Variants in SMS observed in about 807,000 individuals in gnomAD.
SMS encodes the protein spermidine aminopropyltransferase.
Under a neutral mutation model 33.0 loss-of-function variants are expected in SMS, and 3 were observed. The ratio of observed to expected loss-of-function variants is 0.09; its 90% CI spans 0.04 to 0.23. SMS has a LOEUF of 0.23. Ranked by LOEUF, SMS falls within the 10% of genes least tolerant of loss-of-function variation. SMS has a pLI of 1.00. For missense variants in SMS, 117 were observed against 288.6 expected, an observed-to-expected ratio of 0.41 and a Z score of 4.31; for synonymous variants, 103 against 112.2, an observed-to-expected ratio of 0.92 and a Z score of 0.52.
chrX:21,948,939 G>A (rs1922423514), intron 1 of SMS, among the ~76,000 whole-genome samples: 1 of 111,994 alleles, frequency 8.9e-6, no homozygotes, highest in African/African-American at 3.3e-5. Context: ...TGCGAACCAC[G>A]TATGTAAACC....
At position 21,970,753 on chromosome X, in the gene SMS, T is replaced by G. The variant is rs745774827; in HGVS notation, c.171-1144T>G. The stretch of plus-strand genomic sequence containing the variant: ...TTAGCTTATTATTTTTAGTTTTTTT[T>G]TTTTTTTTTTTAATCCAAGCACACT... On this transcript the variant is annotated intron_variant, in intron 2 of 10. Transcript: ENST00000404933. Among the ~76,000 whole-genome samples the G allele has an allele frequency of 3.1e-4, 33 of 106,814 alleles. No homozygotes were observed. In the South Asian group the frequency reaches 0.013, roughly 43 times the overall value. The allele number at this position is 106,814 out of a possible 115,157, so 92.8% of individuals were successfully genotyped here.
chrX:21,955,731 C>G (rs73195173), intron 1 of SMS, among the ~76,000 whole-genome samples: 217 of 111,576 alleles, frequency 1.9e-3, no homozygotes, highest in Non-Finnish European at 3.7e-3. Context: ...CTTAAGCTGA[C>G]GGGGCCCACT....
chrX:21,980,415 C>CA (rs1178108858), intron 7 of SMS, among the ~76,000 whole-genome samples: 3,020 of 44,474 alleles, frequency 0.068, 297 homozygotes, highest in African/African-American at 0.21. Context: ...AGACTGTCTC[C>CA]AAAAAAAAAA....
chrX:21,979,652 C>T (rs765077739), intron 7 of SMS, among the ~76,000 whole-genome samples: 17 of 111,026 alleles, frequency 1.5e-4, no homozygotes, highest in South Asian at 7.6e-4. Flanking sequence ...TGAATAGTGC[C>T]GCAATAAATA....
chrX:21,945,772 G>A (rs1409057397), intron 1 of SMS, among the ~76,000 whole-genome samples: 1 of 108,772 alleles, frequency 9.2e-6, no homozygotes, highest in Non-Finnish European at 1.9e-5. Flanking sequence ...TTACAGGCAC[G>A]CGGCACCACA....
intron 2 of SMS, among the ~76,000 whole-genome samples, chrX:21,968,839 G>A (rs1923919651): frequency 9.0e-6 from 1 of 111,675 alleles, no homozygotes; most frequent in South Asian, 3.7e-4. Context: ...CAGGTGATGA[G>A]TGCACCAAAA....
chrX:21,985,924 G>A (rs1925294296), intron 9 of SMS, among the ~76,000 whole-genome samples: 1 of 111,363 alleles, frequency 9.0e-6, no homozygotes, highest in African/African-American at 3.3e-5. Flanking sequence ...TGGAGGCTGA[G>A]GTGGGAGGAT....
chrX:21,947,342 C>T (rs1922310974), intron 1 of SMS, among the ~76,000 whole-genome samples: 1 of 111,517 alleles, frequency 9.0e-6, no homozygotes, highest in Admixed American at 9.6e-5. Flanking sequence ...CCCTACTCTA[C>T]ACGGACTGAA....
At chrX:21,940,996 C>T in intron 1 of SMS, 123 bp downstream of exon 1, 2 of 218,307 alleles carry the variant, frequency 9.2e-6, no homozygotes, top group Non-Finnish European at 1.3e-5. Flanking sequence ...CGCGCGGCGC[C>T]GCACTCTCCC....
At chrX:21,970,748 T>G (rs1366960610) in intron 2 of SMS, among the ~76,000 whole-genome samples, 2 of 85,554 alleles carry the variant, frequency 2.3e-5, no homozygotes, top group Non-Finnish European at 4.3e-5. Flanking sequence ...ATTTTTAGTT[T>G]TTTTTTTTTT....
intron 1 of SMS, among the ~76,000 whole-genome samples, chrX:21,946,728 A>C (rs1197323270): frequency 8.9e-6 from 1 of 111,828 alleles, no homozygotes; most frequent in Non-Finnish European, 1.9e-5. Context: ...TGCAGCGCAC[A>C]GGACAACTCC....
chrX:21,953,868 C>G (rs1235780189), intron 1 of SMS, among the ~76,000 whole-genome samples: 3 of 98,280 alleles, frequency 3.1e-5, no homozygotes, highest in Non-Finnish European at 2.0e-5. Flanking sequence ...TTTTTCTCCT[C>G]TAGTTTTTAT....
chrX:21,965,402 T>C (rs750043180), intron 1 of SMS, among the ~76,000 whole-genome samples: 1 of 110,314 alleles, frequency 9.1e-6, no homozygotes, highest in South Asian at 3.8e-4. Flanking sequence ...TTCGGGAGGC[T>C]GTGGCAGGTG....
chrX:21,951,013 A>G (rs185474137), intron 1 of SMS, among the ~76,000 whole-genome samples: 1 of 112,346 alleles, frequency 8.9e-6, no homozygotes, highest in East Asian at 2.8e-4. Flanking sequence ...TCCTTGAGGA[A>G]TCACCACACT....
intron 9 of SMS, among the ~76,000 whole-genome samples, chrX:21,988,662 C>CA (rs199561897): frequency 2.1e-4 from 14 of 66,142 alleles, no homozygotes; most frequent in Admixed American, 2.2e-4. Context: ...GACTCTGTCT[C>CA]AAAAAAAAAA....
rs763484228 is a variant in SMS, at chrX:21,950,970, A to G, written c.49+10097A>G. Among the ~76,000 whole-genome samples the G allele has an allele frequency of 2.7e-5, 3 of 111,981 alleles. No individual in the cohort carries two copies. The East Asian group carries it at 8.4e-4, about 31-fold the overall frequency. On this transcript the variant is annotated intron_variant, in intron 1 of 10. Transcript: ENST00000404933. Reference sequence around the variant, plus strand: ...TTTTGGGTATATACCCAGTAATGGGATTGCTGGGTCAGATGGTTTTTCCGG... The same window carrying G: ...TTTTGGGTATATACCCAGTAATGGGGTTGCTGGGTCAGATGGTTTTTCCGG...
chrX:21,988,775 G>C (rs1925563229), intron 9 of SMS, among the ~76,000 whole-genome samples: 1 of 110,080 alleles, frequency 9.1e-6, no homozygotes, highest in Non-Finnish European at 1.9e-5. Context: ...CTGTGAGTTC[G>C]TGATGTCATT....
chrX:21,967,457 C>G (rs1923817182), intron 2 of SMS, 141 bp downstream of exon 2: 2 of 622,880 alleles, frequency 3.2e-6, no homozygotes, highest in Admixed American at 5.3e-5. Flanking sequence ...TGGTGCTTCT[C>G]AACCGTAGCT....
At position 21,962,042 on chromosome X, in the gene SMS, T is replaced by C. The variant is rs187717207; in HGVS notation, c.50-5154T>C. On this transcript the variant is annotated intron_variant, in intron 1 of 10. Coordinates refer to ENST00000404933, the MANE Select transcript of SMS (RefSeq NM_004595.5). ...TCTCAAGTTTGGGTATATTCTGACC[T>C]CAGGCTCGTTTTCACCTGTGTATAG... Among the ~76,000 whole-genome samples, 469 of 112,412 alleles carry C rather than the reference T, an allele frequency of 4.2e-3. 2 individuals carry two copies. The highest frequency in any genetic ancestry group is 0.014 in the African/African-American group (437 of 30,952).
Sources: gnomAD v4.1 joint callset for allele counts (sites outside exome capture counted in the v4.1 genomes callset) on GRCh38, gnomAD v4.1.1 for gene constraint, MANE v1.5 for transcripts, NCBI Gene and HGNC (gene_info 2026-07-23, HGNC 2026-07-21) for gene names.